TACR3: variants seen among roughly 807,000 people sequenced by gnomAD.
TACR3 encodes tachykinin receptor 3.
TACR3 carries 34 observed loss-of-function variants against 35.0 expected under a neutral mutation model. The observed-to-expected ratio is 0.97, with a 90% CI of 0.74 to 1.30. The LOEUF (loss-of-function observed/expected upper bound fraction) is 1.30, where lower values mean the gene tolerates loss of function less well. TACR3 is among the 50% of genes most tolerant of loss of function. The pLI, the probability that TACR3 is intolerant of heterozygous loss-of-function variation, is 0.00. For missense variants in TACR3, 558 were observed against 591.7 expected (o/e 0.94, Z 0.59); for synonymous variants, 233 against 221.1 (o/e 1.05, Z -0.48).
chr4:103,671,201 T>A (rs1379411780), intron 1 of TACR3, among the ~76,000 whole-genome samples: 1 of 152,066 alleles, frequency 6.6e-6, no homozygotes, highest in Non-Finnish European at 1.5e-5. Flanking sequence ...TGTTGAGGAT[T>A]ATTTTCATCT....
intron 3 of TACR3, among the ~76,000 whole-genome samples, chr4:103,631,302 T>C (rs1725059723): frequency 6.6e-6 from 1 of 152,076 alleles, no homozygotes; most frequent in South Asian, 2.1e-4. Flanking sequence ...GTTGCACACA[T>C]GTACCCTAGA....
intron 3 of TACR3, among the ~76,000 whole-genome samples, chr4:103,635,590 A>G (rs1264547293): frequency 2.6e-5 from 4 of 152,020 alleles, no homozygotes; most frequent in Non-Finnish European, 1.5e-5. Context: ...AACCAAAATC[A>G]AGTGCACAGA....
chr4:103,659,301 A>T (rs1578246865), intron 1 of TACR3, among the ~76,000 whole-genome samples: 1 of 152,354 alleles, frequency 6.6e-6, no homozygotes, highest in East Asian at 1.9e-4. Flanking sequence ...ATTAGAATTC[A>T]TAAATGTCTG....
intron 1 of TACR3, among the ~76,000 whole-genome samples, chr4:103,686,371 C>G (rs781400848): frequency 6.6e-6 from 1 of 152,048 alleles, no homozygotes; most frequent in African/African-American, 2.4e-5. Context: ...ATTGAACAAC[C>G]ACTAACTAAG....
chr4:103,604,639 A>G (rs769791595), intron 3 of TACR3, among the ~76,000 whole-genome samples: 1 of 152,126 alleles, frequency 6.6e-6, no homozygotes, highest in Non-Finnish European at 1.5e-5. Context: ...CAATGTATCC[A>G]TCTGACAAAG....
In TACR3 at chr4:103,650,977, T is replaced by C. The variant is rs866365294; in HGVS notation, c.888+5217A>G. ...CTCATATATAATAATATATATATCTTATATATAATAATATATATATCTCAT... is the reference window on the plus strand; with the variant it reads ...CTCATATATAATAATATATATATCTCATATATAATAATATATATATCTCAT... On this transcript the variant is annotated intron_variant, in intron 3 of 4. Coordinates refer to ENST00000304883, the MANE Select transcript of TACR3 (RefSeq NM_001059.3). Among the ~76,000 whole-genome samples, 137 of 49,198 alleles carry C rather than the reference T, an allele frequency of 2.8e-3. 16 individuals carry two copies. Among genetic ancestry groups the C allele is most frequent in the African/African-American group, 6.9e-3 (33 of 4,792 alleles). 32.3% of individuals were successfully genotyped at this position (49,198 alleles called of 152,430 possible). A position where few individuals can be genotyped will look rare whatever the true frequency, so the allele number is the denominator to read the frequency against.
At chr4:103,708,626 C>T (rs1000282535) in intron 1 of TACR3, among the ~76,000 whole-genome samples, 14 of 152,194 alleles carry the variant, frequency 9.2e-5, no homozygotes, top group African/African-American at 2.9e-4. Context: ...AAAGCAGCTC[C>T]TCGCTAGCAA....
intron 3 of TACR3, among the ~76,000 whole-genome samples, chr4:103,599,079 C>T (rs1377113096): frequency 2.0e-5 from 3 of 152,152 alleles, no homozygotes; most frequent in Non-Finnish European, 1.5e-5. Flanking sequence ...ATTCTTCCTA[C>T]CCATGAACAT....
Position 103,692,407 on chromosome 4 carries a change from C to T in TACR3, c.548+26721G>A, listed in dbSNP as rs559785497. 5.3e-5 allele frequency among the ~76,000 whole-genome samples: 8 copies of T among 152,218 alleles called. No homozygotes were observed. In the South Asian group the frequency reaches 1.7e-3, roughly 32 times the overall value. ...TTAATTAACATTGCTTCAAGTTGTA[C>T]AGTGCAAACTTGACAGAATTAAGAT... On this transcript the variant is annotated intron_variant, in intron 1 of 4. Transcript: ENST00000304883.
At chr4:103,625,385 A>G (rs563252864) in intron 3 of TACR3, among the ~76,000 whole-genome samples, 1 of 152,288 alleles carries the variant, frequency 6.6e-6, no homozygotes, top group African/African-American at 2.4e-5. Flanking sequence ...AAGGTGAAAT[A>G]ATTTTGAAAT....
At chr4:103,663,101 T>G (rs74589515) in intron 1 of TACR3, among the ~76,000 whole-genome samples, 5,440 of 152,188 alleles carry the variant, frequency 0.036, 134 homozygotes, top group Non-Finnish European at 0.055. Flanking sequence ...TTTTTGCCAG[T>G]GGAAAGTAAT....
chr4:103,652,917 A>C (rs946183803), intron 3 of TACR3, among the ~76,000 whole-genome samples: 46 of 152,110 alleles, frequency 3.0e-4, no homozygotes, highest in African/African-American at 8.4e-4. Context: ...CTGTATTCTA[A>C]ACAACTCCAG....
At chr4:103,704,894 TA>T (rs1039674400) in intron 1 of TACR3, among the ~76,000 whole-genome samples, 1 of 152,210 alleles carries the variant, frequency 6.6e-6, no homozygotes, top group African/African-American at 2.4e-5. Flanking sequence ...ATATTCATGT[TA>T]ACGTTACCAT....
At chr4:103,709,606 C>T (rs1008723397) in intron 1 of TACR3, among the ~76,000 whole-genome samples, 1 of 152,114 alleles carries the variant, frequency 6.6e-6, no homozygotes, top group Admixed American at 6.5e-5. Context: ...AACTAACGAG[C>T]AAAATAACCA....
intron 3 of TACR3, among the ~76,000 whole-genome samples, chr4:103,600,199 A>C (rs1014431174): frequency 3.9e-5 from 6 of 152,032 alleles, no homozygotes; most frequent in Non-Finnish European, 5.9e-5. Flanking sequence ...TGTATGTGTC[A>C]AGGAATTTAT....
intron 2 of TACR3, among the ~76,000 whole-genome samples, chr4:103,656,757 G>A (rs1354169129): frequency 6.6e-6 from 1 of 152,006 alleles, no homozygotes; most frequent in African/African-American, 2.4e-5. Context: ...TCCTATATAG[G>A]ACTGTCTTCT....
intron 3 of TACR3, among the ~76,000 whole-genome samples, chr4:103,597,825 G>A (rs1312119628): frequency 1.3e-5 from 2 of 152,086 alleles, no homozygotes; most frequent in Non-Finnish European, 1.5e-5. Flanking sequence ...GTGTATATGT[G>A]CCACATTTTC....
rs1455770592 is a variant in TACR3 at position 103,656,289 on chromosome 4, T to C, written c.793A>G (p.Ile265Val). Residue 265 changes from isoleucine (I) to valine (V), a missense_variant, in exon 3 of 5, where the codon ATT becomes GTT. By Grantham distance (29) the Ile-to-Val change is conservative (BLOSUM62 3). Transcript: ENST00000304883. ...GTAATTCCAACAATGGTGTATGTAA[T>C]ACCCATGATGAGCAATGGGAAACAG... ...VYCFPLLIMG[I>V]TYTIVGITLW... is the part of the protein sequence containing the mutation. The C allele has an allele frequency of 6.2e-7, 1 of 1,612,766 alleles. No individual in the cohort carries two copies. Among genetic ancestry groups the C allele is most frequent in the Admixed American group, 1.7e-5 (1 of 59,918 alleles).
At chr4:103,626,731 A>G (rs1321609159) in intron 3 of TACR3, among the ~76,000 whole-genome samples, 1 of 152,188 alleles carries the variant, frequency 6.6e-6, no homozygotes, top group Non-Finnish European at 1.5e-5. Flanking sequence ...TGTTTTCAGT[A>G]TAGTTTAAGG....
Sources: allele counts gnomAD v4.1 joint callset (sites outside exome capture counted in the v4.1 genomes callset), GRCh38; gene constraint gnomAD v4.1.1; transcripts MANE v1.5; gene names NCBI Gene and HGNC (gene_info 2026-07-23, HGNC 2026-07-21).